The following ABCG8 variants were observed in gnomAD, a reference collection of about 807,000 sequenced individuals.
ABCG8 encodes the protein ATP-binding cassette sub-family G member 8.
In ABCG8, 81 loss-of-function variants were observed where a neutral mutation model predicts 71.3. That is an observed-to-expected ratio of 1.14 (90% CI 0.95 to 1.37). The LOEUF (loss-of-function observed/expected upper bound fraction) is 1.37, where lower values mean the gene tolerates loss of function less well. Ranked by LOEUF, ABCG8 falls within the 40% of genes most tolerant of loss-of-function variation. The pLI, the probability that ABCG8 is intolerant of heterozygous loss-of-function variation, is 0.00. For missense variants in ABCG8, 1,119 were observed against 866.2 expected (o/e 1.29, Z -3.66); for synonymous variants, 451 against 354.7 (o/e 1.27, Z -3.05).
At chr2:43,870,766 T>C (rs776366926) in intron 6 of ABCG8, among the ~76,000 whole-genome samples, 4 of 150,290 alleles carry the variant, frequency 2.7e-5, no homozygotes, top group Admixed American at 2.6e-4. Context: ...ATTTTCTGTC[T>C]GGATAGAATT....
chr2:43,874,360 G>A (rs1669884209), intron 9 of ABCG8, 47 bp from the exon 10 acceptor site: 4 of 1,413,540 alleles, frequency 2.8e-6, no homozygotes, highest in Non-Finnish European at 4.0e-6. Flanking sequence ...AAGCACTGTA[G>A]ATTTATTCTA....
chr2:43,876,906 TGTGG>T (rs1669977254), intron 11 of ABCG8, among the ~76,000 whole-genome samples: 1 of 146,768 alleles, frequency 6.8e-6, no homozygotes, highest in African/African-American at 2.5e-5. Flanking sequence ...ATGGGGAGAC[TGTGG>T]GAATATGGGG....
intron 8 of ABCG8, among the ~76,000 whole-genome samples, chr2:43,872,707 T>C (rs1026640080): frequency 6.6e-6 from 1 of 152,094 alleles, no homozygotes; most frequent in Non-Finnish European, 1.5e-5. Flanking sequence ...AGACCCCATC[T>C]CAAAAAAAGG....
chr2:43,839,458 G>C (rs1226207284), intron 1 of ABCG8, among the ~76,000 whole-genome samples: 1 of 97,562 alleles, frequency 1.0e-5, no homozygotes, highest in Non-Finnish European at 1.9e-5. Flanking sequence ...ACGGAGTCTC[G>C]CTCTGTTGCC....
intron 6 of ABCG8, among the ~76,000 whole-genome samples, chr2:43,858,136 A>C (rs1321896643): frequency 2.0e-5 from 3 of 150,650 alleles, no homozygotes; most frequent in Admixed American, 2.0e-4. Context: ...CTCAACATCT[A>C]GATAGAACTC....
intron 6 of ABCG8, among the ~76,000 whole-genome samples, chr2:43,865,075 T>C (rs1669477637): frequency 6.7e-6 from 1 of 149,362 alleles, no homozygotes. Context: ...CCACTATCTG[T>C]CTGGATAGAA....
intron 1 of ABCG8, among the ~76,000 whole-genome samples, chr2:43,840,081 T>A (rs116487096): frequency 0.025 from 3,754 of 152,200 alleles, 59 homozygotes; most frequent in Non-Finnish European, 0.04. Flanking sequence ...GAGAAGCAGA[T>A]CCCCACTCCC....
At chr2:43,845,094 G>A (rs1284664915) in intron 2 of ABCG8, among the ~76,000 whole-genome samples, 2 of 121,390 alleles carry the variant, frequency 1.6e-5, no homozygotes, top group African/African-American at 6.5e-5. Context: ...GTGTGTGTGT[G>A]TGTGTATATA....
intron 6 of ABCG8, among the ~76,000 whole-genome samples, chr2:43,860,385 T>C (rs1669268153): frequency 6.7e-6 from 1 of 150,038 alleles, no homozygotes; most frequent in Admixed American, 6.7e-5. Context: ...GATAAAAGTC[T>C]CACTCTCTGT....
intron 6 of ABCG8, among the ~76,000 whole-genome samples, chr2:43,857,212 A>AT (rs1669142873): frequency 6.6e-6 from 1 of 151,528 alleles, no homozygotes; most frequent in African/African-American, 2.4e-5. Flanking sequence ...TCTGGATAAA[A>AT]CTCTTAACTA....
chr2:43,858,972 C>G (rs1049180302), intron 6 of ABCG8, among the ~76,000 whole-genome samples: 2 of 151,084 alleles, frequency 1.3e-5, no homozygotes, highest in African/African-American at 4.9e-5. Context: ...GGATAGAAGT[C>G]TCACTCTCTG....
At chr2:43,859,703 C>T (rs1180388158) in intron 6 of ABCG8, among the ~76,000 whole-genome samples, 3 of 151,166 alleles carry the variant, frequency 2.0e-5, no homozygotes, top group Admixed American at 1.3e-4. Context: ...CTGGATAGAA[C>T]TCTCACTATC....
intron 4 of ABCG8, 114 bp from the exon 5 acceptor site, chr2:43,852,240 C>A (rs533229623): frequency 7.0e-7 from 1 of 1,430,184 alleles, no homozygotes; most frequent in East Asian, 2.3e-5. Flanking sequence ...GGAGCTGTCT[C>A]CCTTCACTTT....
chr2:43,853,827 C>G (rs554578687), intron 6 of ABCG8, among the ~76,000 whole-genome samples: 4 of 152,176 alleles, frequency 2.6e-5, no homozygotes, highest in African/African-American at 9.7e-5. Flanking sequence ...TGTGACTCCT[C>G]GTCCAGCAGC....
At chr2:43,847,196 C>G (rs1668771570) in intron 3 of ABCG8, 1 of 152,196 alleles carries the variant, frequency 6.6e-6, no homozygotes, top group Admixed American at 6.5e-5. Context: ...CATTTTATAT[C>G]TTTTAATTAA....
At chr2:43,853,238 T>C (rs768538493) in intron 6 of ABCG8, among the ~76,000 whole-genome samples, 7 of 152,210 alleles carry the variant, frequency 4.6e-5, no homozygotes, top group Non-Finnish European at 8.8e-5. Flanking sequence ...AAACATGCCC[T>C]GGTGTTCCCA....
At chr2:43,852,510 G>T (rs1668958016) in intron 5 of ABCG8, 24 bp downstream of exon 5, 1 of 1,613,786 alleles carries the variant, frequency 6.2e-7, no homozygotes, top group South Asian at 1.1e-5. Flanking sequence ...GGGCAGATGG[G>T]GGCAGAGGGA....
At chr2:43,840,009 G>A (rs1192989437) in intron 1 of ABCG8, among the ~76,000 whole-genome samples, 1 of 152,220 alleles carries the variant, frequency 6.6e-6, no homozygotes, top group Non-Finnish European at 1.5e-5. Flanking sequence ...TCAAGAAATA[G>A]CCTTTGACTG....
At chr2:43,867,414 G>A (rs1406622164) in intron 6 of ABCG8, among the ~76,000 whole-genome samples, 1 of 148,328 alleles carries the variant, frequency 6.7e-6, no homozygotes, top group East Asian at 2.0e-4. Flanking sequence ...TCTCACTCTA[G>A]ATAGAACTCT....
Sources: gnomAD v4.1 joint callset for allele counts (sites outside exome capture counted in the v4.1 genomes callset) on GRCh38, gnomAD v4.1.1 for gene constraint, MANE v1.5 for transcripts, NCBI Gene and HGNC (gene_info 2026-07-23, HGNC 2026-07-21) for gene names.